PTH2R: variants seen among roughly 807,000 people sequenced by gnomAD.
PTH2R encodes the protein parathyroid hormone 2 receptor, also known as PTH2 receptor.
Under a neutral mutation model 60.3 loss-of-function variants are expected in PTH2R, and 59 were observed. That is an observed-to-expected ratio of 0.98 (90% CI 0.79 to 1.22). The LOEUF (loss-of-function observed/expected upper bound fraction) is 1.22. Ranked by LOEUF, PTH2R falls within the 50% of genes most tolerant of loss-of-function variation. The pLI is 0.00. For synonymous variants in PTH2R, 256 were observed against 243.8 expected, an observed-to-expected ratio of 1.05 and a Z score of -0.47; for missense variants, 749 against 682.6, an observed-to-expected ratio of 1.10 and a Z score of -1.08.
chr2:208,468,714 T>C (rs1215325137), intron 9 of PTH2R, among the ~76,000 whole-genome samples: 1 of 152,254 alleles, frequency 6.6e-6, no homozygotes, highest in Non-Finnish European at 1.5e-5. Context: ...AGATTACCAA[T>C]TGTAATCTAC....
intron 1 of PTH2R, among the ~76,000 whole-genome samples, chr2:208,399,995 G>A (rs1701278402): frequency 1.3e-5 from 2 of 152,046 alleles, no homozygotes; most frequent in South Asian, 4.2e-4. Context: ...CCCTGTCTCT[G>A]GGGCCTTACC....
At chr2:208,395,352 GA>G (rs1469546964) in intron 1 of PTH2R, among the ~76,000 whole-genome samples, 5 of 151,994 alleles carry the variant, frequency 3.3e-5, no homozygotes, top group African/African-American at 4.8e-5. Context: ...GGCCGAGTCT[GA>G]TTTCTAATGG....
intron 2 of PTH2R, among the ~76,000 whole-genome samples, chr2:208,434,311 A>G (rs1702030675): frequency 6.6e-6 from 1 of 152,092 alleles, no homozygotes. Flanking sequence ...AAAAAAAAAA[A>G]ATCTCTATTT....
chr2:208,422,702 C>A (rs930171754), intron 1 of PTH2R, among the ~76,000 whole-genome samples: 5 of 152,046 alleles, frequency 3.3e-5, no homozygotes, highest in African/African-American at 1.2e-4. Context: ...TGTAAATTCA[C>A]ATGCAGTTGG....
At chr2:208,413,615 G>C (rs774797980) in intron 1 of PTH2R, among the ~76,000 whole-genome samples, 8 of 152,178 alleles carry the variant, frequency 5.3e-5, no homozygotes, top group Non-Finnish European at 1.2e-4. Context: ...CATATGGAAT[G>C]TAAAATATTG....
rs1290560965 is a variant in PTH2R at position 208,436,387 on chromosome 2, T to A, written c.179-1150T>A. Among the ~76,000 whole-genome samples, 4 of 152,062 alleles carry A rather than the reference T, an allele frequency of 2.6e-5. No homozygotes were observed. The South Asian group carries it at 6.2e-4, about 24-fold the overall frequency. On this transcript the variant is annotated intron_variant, in intron 2 of 12. Coordinates refer to ENST00000272847, the MANE Select transcript of PTH2R (RefSeq NM_005048.4). ...AATGCCTGTTGGAGCTGTTGGAGGA[T>A]TTGGGGCTATTGTGTCAAAAATAAA... is the stretch of plus-strand genomic sequence containing the variant.
intron 1 of PTH2R, among the ~76,000 whole-genome samples, chr2:208,381,292 C>T (rs1700908582): frequency 6.6e-6 from 1 of 152,164 alleles, no homozygotes; most frequent in African/African-American, 2.4e-5. Flanking sequence ...TTGCAGGTAT[C>T]TTCAGTGTTT....
At chr2:208,435,301 C>T (rs891413620) in intron 2 of PTH2R, among the ~76,000 whole-genome samples, 1 of 152,068 alleles carries the variant, frequency 6.6e-6, no homozygotes, top group Non-Finnish European at 1.5e-5. Flanking sequence ...GAATGATGGC[C>T]CTCCAAGGAT....
At chr2:208,394,082 C>T (rs1010188354) in intron 1 of PTH2R, among the ~76,000 whole-genome samples, 1 of 152,162 alleles carries the variant, frequency 6.6e-6, no homozygotes, top group African/African-American at 2.4e-5. Context: ...TCTGAGTTGT[C>T]TTGAGGGGCA....
At chr2:208,375,432 A>G (rs894047406) in intron 1 of PTH2R, among the ~76,000 whole-genome samples, 1 of 152,164 alleles carries the variant, frequency 6.6e-6, no homozygotes, top group Non-Finnish European at 1.5e-5. Context: ...AAAGCCCATT[A>G]TTAATAATTT....
In PTH2R at chr2:208,455,393, T is replaced by C. The variant is rs527676687; in HGVS notation, c.915-4502T>C. The stretch of plus-strand genomic sequence containing the variant: ...GATCCAGAGACATCAGGACACATTC[T>C]CAAAGCTTACCGCTAGACTGAAGCA... On this transcript the variant is annotated intron_variant, in intron 8 of 12. Transcript: ENST00000272847. 4.6e-5 allele frequency among the ~76,000 whole-genome samples: 7 copies of C among 152,302 alleles called. No homozygotes were observed. In the East Asian group the frequency reaches 1.4e-3, roughly 29 times the overall value.
At chr2:208,467,511 A>C (rs956112644) in intron 9 of PTH2R, among the ~76,000 whole-genome samples, 1 of 152,224 alleles carries the variant, frequency 6.6e-6, no homozygotes, top group African/African-American at 2.4e-5. Context: ...ACACGTTTTC[A>C]AGAGACACAA....
chr2:208,404,380 A>G (rs754645584), upstream of PTH2R, among the ~76,000 whole-genome samples: 1 of 152,200 alleles, frequency 6.6e-6, no homozygotes, highest in Non-Finnish European at 1.5e-5. Flanking sequence ...AATCCTCAGT[A>G]GGGAAACTTT....
At position 208,443,525 on chromosome 2, in the gene PTH2R, C is replaced by T. The variant is rs150233682; in HGVS notation, c.687C>T (p.Asp229=). The change falls in exon 6 of 13, where the codon GAC becomes GAT. Residue 229 remains aspartate (D), a synonymous_variant. Coordinates refer to ENST00000272847, the MANE Select transcript of PTH2R (RefSeq NM_005048.4). ...ATTCCATTGAGGCAACTTCTGTGGA[C>T]AAATCACAATATGTAAGTGTTTTCA... ...PQNSIEATSV[D]KSQYIGCKIA... 3.1e-6 allele frequency: 5 copies of T among 1,605,104 alleles called. No homozygotes were observed. The highest frequency in any genetic ancestry group is 4.2e-6 in the Non-Finnish European group (5 of 1,176,832).
chr2:208,467,932 TC>T (rs1702791789), intron 9 of PTH2R, among the ~76,000 whole-genome samples: 2 of 152,174 alleles, frequency 1.3e-5, no homozygotes, highest in Admixed American at 1.3e-4. Flanking sequence ...GAAAGTGAAA[TC>T]TCTTCCCCCA....
chr2:208,460,044 G>A (rs1030632242), intron 9 of PTH2R, 83 bp downstream of exon 9: 53 of 1,164,350 alleles, frequency 4.6e-5, no homozygotes, highest in Non-Finnish European at 6.5e-5. Context: ...GTCTGTCACT[G>A]CATTCTACAA....
At chr2:208,364,928 G>A (rs983749505) in intron 1 of PTH2R, among the ~76,000 whole-genome samples, 4 of 151,910 alleles carry the variant, frequency 2.6e-5, no homozygotes, top group African/African-American at 4.8e-5. Flanking sequence ...CCATTGCAAC[G>A]GGAATCATTT....
chr2:208,489,951 A>C (rs1703365378), intron 11 of PTH2R, among the ~76,000 whole-genome samples: 2 of 152,190 alleles, frequency 1.3e-5, no homozygotes, highest in African/African-American at 4.8e-5. Context: ...ACAGCTGGCT[A>C]CTTGTTCTTG....
chr2:208,439,263 A>G (rs902147683), intron 4 of PTH2R, among the ~76,000 whole-genome samples: 2 of 152,126 alleles, frequency 1.3e-5, no homozygotes, highest in Non-Finnish European at 2.9e-5. Flanking sequence ...CAATATATAT[A>G]CTAGTTTATG....
Sources: gnomAD v4.1 joint callset for allele counts (sites outside exome capture counted in the v4.1 genomes callset) on GRCh38, gnomAD v4.1.1 for gene constraint, MANE v1.5 for transcripts, NCBI Gene and HGNC (gene_info 2026-07-23, HGNC 2026-07-21) for gene names.